Variants in ATP11B observed in about 807,000 individuals in gnomAD.
The protein encoded by ATP11B is phospholipid-transporting ATPase IF.
A neutral mutation model predicts 157.8 loss-of-function variants in ATP11B; 81 were observed. The ratio of observed to expected loss-of-function variants is 0.51; its 90% CI spans 0.43 to 0.62. ATP11B has a LOEUF of 0.62. Among genes scored for constraint, ATP11B ranks in the 20% least tolerant of loss-of-function variants. ATP11B has a pLI of 0.00. For missense variants in ATP11B, 1,165 were observed against 1,402.2 expected (o/e 0.83, Z 2.70); for synonymous variants, 451 against 469.4 (o/e 0.96, Z 0.51).
intron 1 of ATP11B, among the ~76,000 whole-genome samples, chr3:182,795,349 C>T (rs960651387): frequency 6.6e-6 from 1 of 152,164 alleles, no homozygotes; most frequent in Non-Finnish European, 1.5e-5. Flanking sequence ...TAAAGTGGTT[C>T]TCTTGAAGCT....
intron 12 of ATP11B, among the ~76,000 whole-genome samples, chr3:182,859,667 C>A (rs1720683852): frequency 6.6e-6 from 1 of 152,146 alleles, no homozygotes; most frequent in Non-Finnish European, 1.5e-5. Context: ...CCCCCTAATA[C>A]TATCATATCA....
At chr3:182,820,497 A>G in intron 2 of ATP11B, 121 bp downstream of exon 2, 2 of 676,676 alleles carry the variant, frequency 3.0e-6, no homozygotes, top group Non-Finnish European at 2.6e-6. Flanking sequence ...CAGTGTGGGC[A>G]ACATAATGAG....
Position 182,859,294 on chromosome 3 carries a change from T to TA in ATP11B, c.1136dup (p.Tyr379Ter), listed in dbSNP as rs747978292. The TA allele has an allele frequency of 1.2e-6, 2 of 1,611,338 alleles. No homozygotes were observed. The highest frequency in any genetic ancestry group is 2.2e-5 in the South Asian group (2 of 90,620). Reference sequence around the variant, plus strand: ...TTTTATTGGCTGGGATCTTGATCTGTATCATGAAGAATCAGATCAGAAAGC... The same window carrying TA: ...TTTTATTGGCTGGGATCTTGATCTGTAATCATGAAGAATCAGATCAGAAAGC... ...SFFIGWDLDL[Y>*]HEESDQKAQV... Residue 379 changes from tyrosine to a stop codon, truncating the protein, a stop_gained and frameshift_variant, in exon 12 of 30, where the codon TAT (tyrosine) becomes TAAT (stop). Coordinates refer to ENST00000323116, the MANE Select transcript of ATP11B (RefSeq NM_014616.3). LOFTEE classifies it high-confidence loss of function.
At chr3:182,796,966 A>G (rs1438004846) in intron 1 of ATP11B, among the ~76,000 whole-genome samples, 1 of 152,154 alleles carries the variant, frequency 6.6e-6, no homozygotes, top group Non-Finnish European at 1.5e-5. Flanking sequence ...GGCTGCTAAG[A>G]TTGTCTTCTG....
chr3:182,845,465 G>A lies in ATP11B; in HGVS notation c.712G>A (p.Gly238Arg). ...QQMEEIVRPLGPESLLLRGAR... is the reference protein window; with the variant it reads ...QQMEEIVRPLRPESLLLRGAR... ...ATTTTCTTTTTTTCCTAGACCTCTG[G>A]GGCCGGAGAGTCTCCTGCTTCGTGG... Residue 238 changes from glycine to arginine, a missense_variant, in exon 9 of 30, where the codon GGG becomes AGG. By Grantham distance (125) the Gly-to-Arg change is moderately radical (BLOSUM62 -2). Transcript: ENST00000323116. 1 of 1,597,742 alleles carries A rather than the reference G, an allele frequency of 6.3e-7. No homozygotes were observed. The highest frequency in any genetic ancestry group is 8.5e-7 in the Non-Finnish European group (1 of 1,176,074).
At chr3:182,903,570 T>C (rs2108586073) in intron 28 of ATP11B, among the ~76,000 whole-genome samples, 1 of 152,302 alleles carries the variant, frequency 6.6e-6, no homozygotes, top group African/African-American at 2.4e-5. Flanking sequence ...TAAAAAATAT[T>C]CTATTTCAAA....
At chr3:182,819,272 CA>C (rs1717174039) in intron 1 of ATP11B, among the ~76,000 whole-genome samples, 1 of 151,908 alleles carries the variant, frequency 6.6e-6, no homozygotes, top group South Asian at 2.1e-4. Context: ...GGGGTTTCAC[CA>C]TGTTGGCCAG....
chr3:182,898,667 T>G lies in ATP11B; in HGVS notation c.3213T>G (p.Ser1071=). 6.2e-7 allele frequency: 1 copy of G among 1,610,610 alleles called. No individual in the cohort carries two copies. The highest frequency in any genetic ancestry group is 8.5e-7 in the Non-Finnish European group (1 of 1,178,386). ...FVFIQLLSSG[S]AWFAIILMVV... is the part of the protein sequence containing the mutation. ...TTATTCAGCTCCTGTCAAGTGGTTC[T>G]GCTTGGTTTGCCATAATCCTCATGG... Residue 1071 remains serine, a synonymous_variant, in exon 28 of 30, where the codon TCT becomes TCG. Transcript: ENST00000323116.
chr3:182,874,855 T>C (rs1416637201), intron 19 of ATP11B, among the ~76,000 whole-genome samples: 1 of 152,188 alleles, frequency 6.6e-6, no homozygotes. Context: ...AAAATTTTGT[T>C]GAGATTTTTT....
At chr3:182,807,695 G>A (rs190207846) in intron 1 of ATP11B, among the ~76,000 whole-genome samples, 36 of 152,094 alleles carry the variant, frequency 2.4e-4, no homozygotes, top group Middle Eastern at 3.4e-3. Context: ...AATCTATTAA[G>A]GTTATATTTT....
chr3:182,818,728 G>A (rs552619161), intron 1 of ATP11B, among the ~76,000 whole-genome samples: 4 of 152,274 alleles, frequency 2.6e-5, no homozygotes, highest in East Asian at 1.9e-4. Context: ...GTGTATGTCT[G>A]TGCTTAATGG....
chr3:182,898,027 C>A (rs190173843), intron 27 of ATP11B, among the ~76,000 whole-genome samples: 126 of 152,046 alleles, frequency 8.3e-4, no homozygotes, highest in African/African-American at 2.9e-3. Flanking sequence ...AAAAAAGCTT[C>A]TGAAGGTAGG....
intron 9 of ATP11B, among the ~76,000 whole-genome samples, chr3:182,846,573 A>G (rs1719548888): frequency 6.6e-6 from 1 of 152,228 alleles, no homozygotes; most frequent in African/African-American, 2.4e-5. Flanking sequence ...AAATAGCCCA[A>G]TGTTCATTAG....
chr3:182,845,385 T>C, intron 8 of ATP11B, 73 bp from the exon 9 acceptor site: 2 of 1,293,658 alleles, frequency 1.5e-6, no homozygotes, highest in Non-Finnish European at 2.1e-6. Context: ...TACCTTCTGC[T>C]GAAGATGCCA....
chr3:182,882,174 A>G (rs1319225331), intron 21 of ATP11B, among the ~76,000 whole-genome samples: 5 of 152,160 alleles, frequency 3.3e-5, no homozygotes, highest in Admixed American at 3.3e-4. Context: ...ATCAGGTCTG[A>G]TATTTTCTGT....
Position 182,828,155 on chromosome 3 carries a change from T to C in ATP11B, c.180T>C (p.Phe60=), listed in dbSNP as rs1490311188. The C allele has an allele frequency of 6.7e-7, 1 of 1,492,452 alleles. No homozygotes were observed. The allele number at this position is 1,492,452 out of a possible 1,614,324, so 92.5% of individuals were successfully genotyped here. The change falls in exon 3 of 30, where the codon TTT becomes TTC. Residue 60 remains phenylalanine (F), a synonymous_variant. Transcript: ENST00000323116. ...GGAATTTTGTTCCAAAAAATTTATT[T>C]GAACAGTTCAGAAGAGTGGCAAACT... The part of the protein sequence containing the change: ...TVWNFVPKNL[F]EQFRRVANFY...
chr3:182,889,270 T>C (rs1283035782), intron 24 of ATP11B, 140 bp from the exon 25 acceptor site: 7 of 617,546 alleles, frequency 1.1e-5, no homozygotes, highest in Non-Finnish European at 1.8e-5. Flanking sequence ...TTTGGATTTA[T>C]TTATTCTTTG....
At chr3:182,831,313 C>T (rs1718122398) in intron 4 of ATP11B, among the ~76,000 whole-genome samples, 1 of 152,214 alleles carries the variant, frequency 6.6e-6, no homozygotes, top group African/African-American at 2.4e-5. Flanking sequence ...AGATCTCCCT[C>T]ATTAGTCCAA....
chr3:182,896,830 T>C lies in ATP11B; in HGVS notation c.3048+65T>C, dbSNP rs1723583967. Reference sequence around the variant, plus strand: ...CTGTTTACATAGTTAGTTAACTTTCTTCATTTCTTTAGCCATAGATACTTT... The same window carrying C: ...CTGTTTACATAGTTAGTTAACTTTCCTCATTTCTTTAGCCATAGATACTTT... On this transcript the variant is annotated intron_variant, in intron 26 of 29. Transcript: ENST00000323116. 4 of 1,209,914 alleles carry C rather than the reference T, an allele frequency of 3.3e-6. No individual in the cohort carries two copies. The South Asian group carries it at 5.3e-5, about 16-fold the overall frequency. 74.9% of individuals were successfully genotyped at this position (1,209,914 alleles called of 1,614,324 possible).
Sources: gnomAD v4.1 joint callset for allele counts (sites outside exome capture counted in the v4.1 genomes callset) on GRCh38, gnomAD v4.1.1 for gene constraint, MANE v1.5 for transcripts, NCBI Gene and HGNC (gene_info 2026-07-23, HGNC 2026-07-21) for gene names.